FHOD3: variants seen among roughly 807,000 people sequenced by gnomAD.
The protein encoded by FHOD3 is FH1/FH2 domain-containing protein 3.
In FHOD3, 90 loss-of-function variants were observed where a neutral mutation model predicts 173.0. The observed-to-expected ratio is 0.52, with a 90% confidence interval of 0.44 to 0.62. FHOD3 has a LOEUF of 0.62. Among genes scored for constraint, FHOD3 ranks in the 20% least tolerant of loss-of-function variants. FHOD3 has a pLI of 0.00. For missense variants in FHOD3, 1,945 were observed against 2,034.7 expected, an observed-to-expected ratio of 0.96 and a Z score of 0.85; for synonymous variants, 828 against 823.0, an observed-to-expected ratio of 1.01 and a Z score of -0.10.
At chr18:36,370,794 ATAGT>A (rs960661845) in intron 2 of FHOD3, among the ~76,000 whole-genome samples, 22 of 152,354 alleles carry the variant, frequency 1.4e-4, no homozygotes, top group South Asian at 1.0e-3. Context: ...ACTGTTTCTA[ATAGT>A]TAGAGCCTGG....
intron 3 of FHOD3, among the ~76,000 whole-genome samples, chr18:36,442,597 C>A (rs2051217777): frequency 6.6e-6 from 1 of 152,054 alleles, no homozygotes; most frequent in South Asian, 2.1e-4. Context: ...TATATTTTAG[C>A]TTTTCATTTG....
intron 9 of FHOD3, among the ~76,000 whole-genome samples, chr18:36,624,676 T>TATCCC (rs1177675591): frequency 9.6e-6 from 1 of 103,664 alleles, no homozygotes; most frequent in Non-Finnish European, 2.1e-5. Flanking sequence ...GGGCTAAAAA[T>TATCCC]ATCCCTTGGA....
At chr18:36,371,798 C>A (rs2047204751) in intron 2 of FHOD3, among the ~76,000 whole-genome samples, 1 of 152,084 alleles carries the variant, frequency 6.6e-6, no homozygotes, top group African/African-American at 2.4e-5. Flanking sequence ...ATACATTAAG[C>A]CCTGGTGGAG....
At chr18:36,590,866 C>A (rs2059192129) in intron 6 of FHOD3, among the ~76,000 whole-genome samples, 1 of 152,122 alleles carries the variant, frequency 6.6e-6, no homozygotes, top group Non-Finnish European at 1.5e-5. Flanking sequence ...ATTCTGGGTG[C>A]CTGAGACCGT....
At chr18:36,322,343 G>A (rs1201016548) in intron 1 of FHOD3, among the ~76,000 whole-genome samples, 3 of 152,152 alleles carry the variant, frequency 2.0e-5, no homozygotes, top group South Asian at 2.1e-4. Context: ...ACCTCCTCTC[G>A]AGAGGGTTAT....
intron 5 of FHOD3, among the ~76,000 whole-genome samples, chr18:36,559,473 A>G (rs2058014509): frequency 6.6e-6 from 1 of 152,106 alleles, no homozygotes; most frequent in African/African-American, 2.4e-5. Context: ...TTTGCATGTG[A>G]TTATTGTTTA....
intron 28 of FHOD3, among the ~76,000 whole-genome samples, chr18:36,775,265 A>G (rs189174145): frequency 6.6e-6 from 1 of 152,212 alleles, no homozygotes; most frequent in Non-Finnish European, 1.5e-5. Flanking sequence ...GTGCAAAAAA[A>G]CCCCGAAATA....
At chr18:36,593,995 T>G (rs1433711150) in intron 6 of FHOD3, among the ~76,000 whole-genome samples, 1 of 152,072 alleles carries the variant, frequency 6.6e-6, no homozygotes, top group African/African-American at 2.4e-5. Context: ...AGGGCAAAAT[T>G]GTGGGCAAGT....
chr18:36,694,505 C>T (rs547167500), intron 17 of FHOD3, among the ~76,000 whole-genome samples: 14 of 152,256 alleles, frequency 9.2e-5, no homozygotes, highest in Admixed American at 3.9e-4. Flanking sequence ...TGAGTAATGT[C>T]GGTCTTAAAA....
intron 3 of FHOD3, among the ~76,000 whole-genome samples, chr18:36,463,238 A>C (rs1357190182): frequency 6.6e-6 from 1 of 150,742 alleles, no homozygotes; most frequent in Admixed American, 6.6e-5. Context: ...TTAGAATTGA[A>C]TAAATAGGAA....
chr18:36,397,809 A>AG (rs2048623728), intron 3 of FHOD3, among the ~76,000 whole-genome samples: 1 of 152,196 alleles, frequency 6.6e-6, no homozygotes, highest in Non-Finnish European at 1.5e-5. Flanking sequence ...TGGTTGTTCC[A>AG]GGGGGATCAG....
At chr18:36,352,547 A>G (rs2046180485) in intron 1 of FHOD3, among the ~76,000 whole-genome samples, 1 of 152,164 alleles carries the variant, frequency 6.6e-6, no homozygotes, top group Non-Finnish European at 1.5e-5. Context: ...TTTATGCCAC[A>G]TTCATGTGTA....
At chr18:36,390,946 T>G (rs1222308133) in intron 3 of FHOD3, among the ~76,000 whole-genome samples, 1 of 152,222 alleles carries the variant, frequency 6.6e-6, no homozygotes, top group East Asian at 1.9e-4. Context: ...TGGACAGGTA[T>G]GCACTGCCTT....
At chr18:36,309,714 G>A (rs1428887486) in intron 1 of FHOD3, among the ~76,000 whole-genome samples, 1 of 152,228 alleles carries the variant, frequency 6.6e-6, no homozygotes, top group Non-Finnish European at 1.5e-5. Flanking sequence ...TGGGAGCAGG[G>A]AAAGGAGAGC....
At chr18:36,685,798 G>A (rs1329722275) in intron 15 of FHOD3, among the ~76,000 whole-genome samples, 2 of 152,198 alleles carry the variant, frequency 1.3e-5, no homozygotes, top group Non-Finnish European at 2.9e-5. Flanking sequence ...TCCAGTGAGA[G>A]ATGACTAACC....
chr18:36,339,642 G>A (rs2847516), intron 1 of FHOD3, among the ~76,000 whole-genome samples: 1 of 151,978 alleles, frequency 6.6e-6, no homozygotes. Flanking sequence ...GCTGCTCTTT[G>A]CCCAGCAGGG....
chr18:36,576,402 T>C (rs771173820), intron 5 of FHOD3, 49 bp from the exon 6 acceptor site: 11 of 1,357,952 alleles, frequency 8.1e-6, no homozygotes, highest in East Asian at 4.7e-5. Context: ...CTGAAGATTA[T>C]ATTTCTATAT....
chr18:36,498,696 A>G (rs2054868369), intron 3 of FHOD3, among the ~76,000 whole-genome samples: 1 of 152,212 alleles, frequency 6.6e-6, no homozygotes. Flanking sequence ...CAGAAGGGGA[A>G]GGAGTACCCC....
chr18:36,435,561 T>C (rs927547938), intron 3 of FHOD3, among the ~76,000 whole-genome samples: 1 of 152,140 alleles, frequency 6.6e-6, no homozygotes, highest in African/African-American at 2.4e-5. Flanking sequence ...CAAAAATGTT[T>C]GTGTGGAAGT....
Sources: gnomAD v4.1 joint callset for allele counts (sites outside exome capture counted in the v4.1 genomes callset) on GRCh38, gnomAD v4.1.1 for gene constraint, MANE v1.5 for transcripts, NCBI Gene and HGNC (gene_info 2026-07-23, HGNC 2026-07-21) for gene names.